Variants in MAPKAP1 observed in about 807,000 individuals in gnomAD.
The protein encoded by MAPKAP1 is MAPK associated protein 1, also known as target of rapamycin complex 2 subunit MAPKAP1.
Under a neutral mutation model 65.7 loss-of-function variants are expected in MAPKAP1, and 20 were observed. The ratio of observed to expected loss-of-function variants is 0.30; its 90% CI spans 0.21 to 0.44. The LOEUF (loss-of-function observed/expected upper bound fraction) is 0.44. Among genes scored for constraint, MAPKAP1 ranks in the 20% least tolerant of loss-of-function variants. MAPKAP1 has a pLI of 1.00. For missense variants in MAPKAP1, 423 were observed against 648.0 expected, an observed-to-expected ratio of 0.65 and a Z score of 3.77; for synonymous variants, 222 against 244.3, an observed-to-expected ratio of 0.91 and a Z score of 0.85.
At chr9:125,602,412 C>A (rs915619497) in intron 4 of MAPKAP1, among the ~76,000 whole-genome samples, 13 of 152,182 alleles carry the variant, frequency 8.5e-5, no homozygotes, top group Admixed American at 8.5e-4. Context: ...GGCCTTCATC[C>A]GCGTCTTCCA....
intron 7 of MAPKAP1, among the ~76,000 whole-genome samples, chr9:125,535,565 C>T (rs1455291623): frequency 1.3e-5 from 2 of 152,156 alleles, no homozygotes; most frequent in African/African-American, 4.8e-5. Context: ...CCCTTTCCTC[C>T]AGTGCCTTGA....
intron 8 of MAPKAP1, among the ~76,000 whole-genome samples, chr9:125,503,405 G>A (rs138638628): frequency 6.6e-5 from 10 of 152,304 alleles, no homozygotes; most frequent in Non-Finnish European, 1.2e-4. Context: ...GCTCGTAGGC[G>A]TTGATCTCTT....
intron 1 of MAPKAP1, among the ~76,000 whole-genome samples, chr9:125,696,585 GAT>G (rs1835392704): frequency 6.6e-6 from 1 of 151,310 alleles, no homozygotes; most frequent in African/African-American, 2.4e-5. Context: ...CAAAACTTGA[GAT>G]ATGTCTTATA....
chr9:125,645,039 T>G (rs1189439331), intron 4 of MAPKAP1, among the ~76,000 whole-genome samples: 1 of 152,210 alleles, frequency 6.6e-6, no homozygotes, highest in Non-Finnish European at 1.5e-5. Context: ...AAGGAGAGTT[T>G]TGAAGACAAA....
intron 6 of MAPKAP1, among the ~76,000 whole-genome samples, chr9:125,551,354 T>C (rs941886310): frequency 6.6e-6 from 1 of 152,148 alleles, no homozygotes; most frequent in African/African-American, 2.4e-5. Flanking sequence ...GTAAAGAGCA[T>C]GAATGAACCT....
intron 4 of MAPKAP1, among the ~76,000 whole-genome samples, chr9:125,606,292 A>G (rs2131620265): frequency 6.6e-6 from 1 of 152,304 alleles, no homozygotes; most frequent in African/African-American, 2.4e-5. Flanking sequence ...AGTATATGGG[A>G]AAAATTCAGC....
At chr9:125,470,729 T>A (rs1237805570) in intron 9 of MAPKAP1, among the ~76,000 whole-genome samples, 1 of 152,158 alleles carries the variant, frequency 6.6e-6, no homozygotes, top group African/African-American at 2.4e-5. Context: ...GGCTTGGGGA[T>A]GAAGATGTAG....
At chr9:125,558,595 T>C (rs2133208147) in intron 6 of MAPKAP1, among the ~76,000 whole-genome samples, 1 of 152,314 alleles carries the variant, frequency 6.6e-6, no homozygotes. Flanking sequence ...GCAATCCCTT[T>C]TGAGCAGTGA....
At chr9:125,701,264 A>G (rs1835587344) in intron 1 of MAPKAP1, among the ~76,000 whole-genome samples, 1 of 152,210 alleles carries the variant, frequency 6.6e-6, no homozygotes. Flanking sequence ...TATTTTTTTG[A>G]AGTTTTACAC....
At chr9:125,479,017 G>A (rs1399844612) in intron 9 of MAPKAP1, among the ~76,000 whole-genome samples, 1 of 152,098 alleles carries the variant, frequency 6.6e-6, no homozygotes, top group Non-Finnish European at 1.5e-5. Context: ...AGACAGTCTT[G>A]GATTCTTATT....
intron 3 of MAPKAP1, among the ~76,000 whole-genome samples, chr9:125,658,908 A>G (rs1430523159): frequency 6.6e-6 from 1 of 152,172 alleles, no homozygotes; most frequent in African/African-American, 2.4e-5. Context: ...AAATTAAACC[A>G]AGAGAGAGAA....
chr9:125,634,256 A>G (rs1315451293), intron 4 of MAPKAP1, among the ~76,000 whole-genome samples: 2 of 152,224 alleles, frequency 1.3e-5, no homozygotes, highest in African/African-American at 4.8e-5. Context: ...GAGGTTTGAG[A>G]AAACAAGGCT....
intron 6 of MAPKAP1, among the ~76,000 whole-genome samples, chr9:125,547,611 C>A (rs1830465389): frequency 6.6e-6 from 1 of 152,236 alleles, no homozygotes; most frequent in Non-Finnish European, 1.5e-5. Context: ...AAAGGCCCCA[C>A]TTCAGCCCCT....
chr9:125,491,061 C>A (rs755171003), intron 8 of MAPKAP1, among the ~76,000 whole-genome samples: 1 of 151,370 alleles, frequency 6.6e-6, no homozygotes, highest in Non-Finnish European at 1.5e-5. Flanking sequence ...TCGCTTGAAG[C>A]CAGTAGGCGG....
intron 1 of MAPKAP1, among the ~76,000 whole-genome samples, chr9:125,688,018 AT>A (rs748581753): frequency 6.6e-6 from 1 of 152,172 alleles, no homozygotes; most frequent in Non-Finnish European, 1.5e-5. Context: ...GGTGCTTTGT[AT>A]TTTCACTTGA....
chr9:125,640,952 GTA>G (rs1833560335), intron 4 of MAPKAP1, among the ~76,000 whole-genome samples: 1 of 152,204 alleles, frequency 6.6e-6, no homozygotes, highest in African/African-American at 2.4e-5. Flanking sequence ...TTCTGAAATA[GTA>G]TAAACTCCAA....
intron 1 of MAPKAP1, among the ~76,000 whole-genome samples, chr9:125,697,644 A>G (rs888671057): frequency 7.9e-5 from 12 of 152,204 alleles, no homozygotes; most frequent in African/African-American, 2.9e-4. Context: ...TGCAGTGAAC[A>G]TCTTTGAACA....
At chr9:125,703,275 T>C (rs1190491095) in intron 1 of MAPKAP1, among the ~76,000 whole-genome samples, 1 of 152,174 alleles carries the variant, frequency 6.6e-6, no homozygotes, top group Non-Finnish European at 1.5e-5. Flanking sequence ...ACAATAATAA[T>C]AATTTAATGA....
chr9:125,501,647 T>A (rs964375511), intron 8 of MAPKAP1, among the ~76,000 whole-genome samples: 3 of 152,204 alleles, frequency 2.0e-5, no homozygotes, highest in Non-Finnish European at 4.4e-5. Flanking sequence ...GTTTGGATTT[T>A]CTTTGTAGGA....
Sources: allele counts gnomAD v4.1 joint callset (sites outside exome capture counted in the v4.1 genomes callset), GRCh38; gene constraint gnomAD v4.1.1; transcripts MANE v1.5; gene names NCBI Gene and HGNC (gene_info 2026-07-23, HGNC 2026-07-21).